COMMD5: variants seen among roughly 807,000 people sequenced by gnomAD.
The protein encoded by COMMD5 is COMM domain containing 5, also known as COMM domain-containing protein 5.
A neutral mutation model predicts 6.9 loss-of-function variants in COMMD5; 10 were observed. That is an observed-to-expected ratio of 1.44 (90% CI 0.89 to 2.45). The LOEUF (loss-of-function observed/expected upper bound fraction) is 2.45, where lower values mean the gene tolerates loss of function less well. COMMD5 is among the 30% of genes most tolerant of loss of function. The pLI is 0.00. For missense variants in COMMD5, 234 were observed against 287.8 expected, an observed-to-expected ratio of 0.81 and a Z score of 1.35; for synonymous variants, 127 against 125.3, an observed-to-expected ratio of 1.01 and a Z score of -0.09.
At chr8:144,849,637 C>T (rs1439728978), downstream of COMMD5, among the ~76,000 whole-genome samples, 3 of 152,208 alleles carry the variant, frequency 2.0e-5, no homozygotes, top group East Asian at 3.9e-4. Flanking sequence ...CTGCAGAGAC[C>T]GAGCACCAAG....
rs1037948600 is a variant in COMMD5 at position 144,850,855 on chromosome 8, C to G, written c.484G>C (p.Ala162Pro). 2 of 1,613,282 alleles carry G rather than the reference C, an allele frequency of 1.2e-6. No homozygotes were observed. The highest frequency in any genetic ancestry group is 1.3e-5 in the African/African-American group (1 of 74,936). ...CGAGCCAGGGCACTGGTGGAGATTGCTACATCCACCCGCCACCGAAAGTCA... is the reference window on the plus strand; with the variant it reads ...CGAGCCAGGGCACTGGTGGAGATTGGTACATCCACCCGCCACCGAAAGTCA... ...VADFRWRVDV[A>P]ISTSALARSL... Residue 162 changes from alanine to proline, a missense_variant, in exon 2 of 2, where the codon GCA becomes CCA. Transcript: ENST00000305103. This position sits in a 1 kb window ranked among gnomAD's most constrained non-coding sequence, Gnocchi z 4.0.
Position 144,842,178 on chromosome 8 carries a change from T to C in COMMD5, c.*117-435A>G. ...TGGTTAGACACCAGAGAACTCACAC[T>C]GGGGAGAGGCCCTACCCTTGCAAGG... On this transcript the variant is annotated intron_variant and NMD_transcript_variant, in intron 1 of 1. Coordinates refer to the COMMD5 transcript ENST00000530332. The C allele has an allele frequency of 3.1e-6, 5 of 1,614,000 alleles. No homozygotes were observed. In the South Asian group the frequency reaches 3.3e-5, roughly 11 times the overall value.
chr8:144,844,690 CAA>C (rs1159280554), intron 1 of COMMD5, among the ~76,000 whole-genome samples: 1 of 116,150 alleles, frequency 8.6e-6, no homozygotes, highest in Non-Finnish European at 1.6e-5. Context: ...GCCTGGGTGA[CAA>C]GAGTGTGACT....
At chr8:144,846,050 G>C, downstream of COMMD5, 1 of 1,536,616 alleles carries the variant, frequency 6.5e-7, no homozygotes, top group South Asian at 1.2e-5. Context: ...TCCTGTTCCT[G>C]GCCTTCCAAA....
chr8:144,846,627 G>A (rs539348329), downstream of COMMD5: 4 of 162,192 alleles, frequency 2.5e-5, no homozygotes, highest in South Asian at 6.6e-4. Context: ...AAGGCAGCTG[G>A]GTCAGTTCAA....
At chr8:144,848,260 C>T (rs988273860), downstream of COMMD5, among the ~76,000 whole-genome samples, 20 of 151,838 alleles carry the variant, frequency 1.3e-4, no homozygotes, top group African/African-American at 4.1e-4. Flanking sequence ...GAGCCATGAT[C>T]GTGCCATTGC....
downstream of COMMD5, among the ~76,000 whole-genome samples, chr8:144,839,566 C>T (rs1829581555): frequency 6.6e-6 from 1 of 152,222 alleles, no homozygotes; most frequent in Admixed American, 6.5e-5. Context: ...AGCAGGTGGT[C>T]CTCACTGTGA....
intron 1 of COMMD5, among the ~76,000 whole-genome samples, chr8:144,844,214 G>C (rs1830348827): frequency 6.6e-6 from 1 of 152,158 alleles, no homozygotes; most frequent in Non-Finnish European, 1.5e-5. Context: ...AAACAATGTA[G>C]AGAAACATGC....
downstream of COMMD5, among the ~76,000 whole-genome samples, chr8:144,839,188 T>C (rs1829517198): frequency 6.6e-6 from 1 of 150,608 alleles, no homozygotes; most frequent in African/African-American, 2.4e-5. Context: ...GGCTGTGACC[T>C]TACTTCCATT....
chr8:144,851,916 T>A (rs1830764175), intron 1 of COMMD5, among the ~76,000 whole-genome samples: 1 of 152,022 alleles, frequency 6.6e-6, no homozygotes, highest in Non-Finnish European at 1.5e-5. Context: ...GGCCAGCGGA[T>A]CGCTTGAGCC....
chr8:144,840,296 C>G (rs1554642113), downstream of COMMD5, among the ~76,000 whole-genome samples: 3 of 152,360 alleles, frequency 2.0e-5, no homozygotes, highest in Non-Finnish European at 4.4e-5. Flanking sequence ...GCTTCCTGCT[C>G]TGATTCTCCA....
downstream of COMMD5, chr8:144,846,468 C>T (rs757335710): frequency 1.2e-4 from 37 of 311,260 alleles, no homozygotes; most frequent in South Asian, 3.2e-4. Context: ...GAGCCTCTGG[C>T]GGCTTTCTTG....
chr8:144,850,484 A>C lies in COMMD5; in HGVS notation c.*180T>G. The stretch of plus-strand genomic sequence containing the variant: ...TTTAGCTGCTTTACTTCCAAAAAGA[A>C]AAAAAGGCATAGCTCTCTTTTTCAA... On this transcript the variant is annotated 3_prime_UTR_variant, in exon 2 of 2. Coordinates refer to ENST00000305103, the MANE Select transcript of COMMD5 (RefSeq NM_014066.4). The surrounding 1 kb of genome is among the most constrained non-coding windows in gnomAD (Gnocchi z 4.0). 1 of 720,722 alleles carries C rather than the reference A, an allele frequency of 1.4e-6. No individual in the cohort carries two copies. The highest frequency in any genetic ancestry group is 2.2e-6 in the Non-Finnish European group (1 of 454,120). 44.6% of individuals were successfully genotyped at this position (720,722 alleles called of 1,614,324 possible). A position where few individuals can be genotyped will look rare whatever the true frequency, so the allele number is the denominator to read the frequency against.
chr8:144,853,145 T>G (rs1231083928), upstream of COMMD5: 1 of 151,154 alleles, frequency 6.6e-6, no homozygotes, highest in Non-Finnish European at 1.5e-5. Flanking sequence ...CCGCGCCAGG[T>G]CCCGCCCCCT....
Position 144,850,458 on chromosome 8 carries a change from T to G in COMMD5, c.*206A>C. 1.6e-6 allele frequency: 1 copy of G among 608,638 alleles called. No homozygotes were observed. The allele number at this position is 608,638 out of a possible 1,614,324, so 37.7% of individuals were successfully genotyped here. On this transcript the variant is annotated 3_prime_UTR_variant, in exon 2 of 2. Coordinates refer to ENST00000305103, the MANE Select transcript of COMMD5 (RefSeq NM_014066.4). The surrounding 1 kb of genome is among the most constrained non-coding windows in gnomAD (Gnocchi z 4.0). ...CCAACACTCACCTATAGAAACATGT[T>G]TTTAGCTGCTTTACTTCCAAAAAGA...
In COMMD5 at chr8:144,851,367, C is replaced by G; in HGVS notation, c.-29G>C. 1 of 1,578,852 alleles carries G rather than the reference C, an allele frequency of 6.3e-7. No individual in the cohort carries two copies. The highest frequency in any genetic ancestry group is 8.6e-7 in the Non-Finnish European group (1 of 1,159,422). On this transcript the variant is annotated 5_prime_UTR_variant, in exon 2 of 2. Coordinates refer to ENST00000305103, the MANE Select transcript of COMMD5 (RefSeq NM_014066.4). The stretch of plus-strand genomic sequence containing the variant: ...TGCTGCTTCCTCTTTGATCAGCCAG[C>G]CCAGGAGGTCGGTCCCAGATGCAGA...
In COMMD5 at chr8:144,851,078, T is replaced by TGCCA; in HGVS notation, c.257_260dup (p.Met89ArgfsTer20). The TGCCA allele has an allele frequency of 6.2e-7, 1 of 1,611,938 alleles. No homozygotes were observed. Among genetic ancestry groups the TGCCA allele is most frequent in the Non-Finnish European group, 8.5e-7 (1 of 1,179,388 alleles). ...CCTGCTGGAGCAGTGTGTGCATGCC[T>TGCCA]GCCAGCAGGGCACCCAGCTGCTCCT... On this transcript the variant is annotated frameshift_variant, in exon 2 of 2. Coordinates refer to ENST00000305103, the MANE Select transcript of COMMD5 (RefSeq NM_014066.4). LOFTEE classifies it high-confidence loss of function.
At chr8:144,843,458 G>T (rs892455495) in intron 1 of COMMD5, 10 of 242,118 alleles carry the variant, frequency 4.1e-5, no homozygotes, top group Admixed American at 2.6e-4. Context: ...CGTGGTGGCA[G>T]GCACCTGTGG....
rs2975302 is a variant in COMMD5 at position 144,842,682 on chromosome 8, C to T, written c.*117-939G>A. 1.0e-3 allele frequency: 1,651 copies of T among 1,614,076 alleles called. 25 individuals carry two copies. In the African/African-American group the frequency reaches 0.019, roughly 19 times the overall value. Reference sequence around the variant, plus strand: ...GAATCCATAAAGGAGAGAAGCCCTACGAATGCCTCCAATGCGGAAAAGCCT... The same window carrying T: ...GAATCCATAAAGGAGAGAAGCCCTATGAATGCCTCCAATGCGGAAAAGCCT... On this transcript the variant is annotated intron_variant and NMD_transcript_variant, in intron 1 of 1. Coordinates refer to the COMMD5 transcript ENST00000530332.
Sources: gnomAD v4.1 joint callset for allele counts (sites outside exome capture counted in the v4.1 genomes callset) on GRCh38, gnomAD v4.1.1 for gene constraint, Gnocchi (gnomAD v3.1) non-coding constraint, MANE v1.5 for transcripts, NCBI Gene and HGNC (gene_info 2026-07-23, HGNC 2026-07-21) for gene names.